Variants in CTNNA2 observed in about 807,000 individuals in gnomAD.
CTNNA2 encodes the protein catenin alpha-2.
A neutral mutation model predicts 101.0 loss-of-function variants in CTNNA2; 42 were observed. That is an observed-to-expected ratio of 0.42 (90% CI 0.32 to 0.54). The LOEUF is 0.54. Ranked by LOEUF, CTNNA2 falls within the 20% of genes least tolerant of loss-of-function variation. The pLI, the probability that CTNNA2 is intolerant of heterozygous loss-of-function variation, is 0.14. For synonymous variants in CTNNA2, 450 were observed against 456.4 expected (o/e 0.99, Z 0.18); for missense variants, 871 against 1,223.1 (o/e 0.71, Z 4.29).
intron 11 of CTNNA2, 133 bp from the exon 12 acceptor site, chr2:80,555,560 A>C (rs1035644406): frequency 1.3e-5 from 6 of 460,786 alleles, no homozygotes; most frequent in African/African-American, 1.2e-4. Context: ...TGTCCTTTAC[A>C]TACAATTTTA....
intron 7 of CTNNA2, chr2:80,298,626 C>T (rs1055060826): frequency 3.3e-5 from 5 of 152,234 alleles, no homozygotes; most frequent in African/African-American, 1.2e-4. Flanking sequence ...TGATTACTTA[C>T]ATATACTCAT....
chr2:80,277,553 G>GAAAAAAAAAAAA lies in CTNNA2; in HGVS notation c.1057-115649_1057-115638dup, dbSNP rs10650278. Among the ~76,000 whole-genome samples the GAAAAAAAAAAAA allele has an allele frequency of 1.2e-4, 10 of 83,804 alleles. 1 individual carries two copies. In the South Asian group the frequency reaches 1.9e-3, roughly 16 times the overall value. 55.0% of individuals were successfully genotyped at this position (83,804 alleles called of 152,430 possible). ...AGGAGAGACTCAGGGAAGGATTTCT[G>GAAAAAAAAAAAA]AAAAAAAAAAAAAAAAAAAATGGAC... On this transcript the variant is annotated intron_variant, in intron 7 of 18. Coordinates refer to ENST00000402739, the MANE Select transcript of CTNNA2 (RefSeq NM_001282597.3).
At chr2:79,772,422 T>C (rs1488255050) in intron 3 of CTNNA2, among the ~76,000 whole-genome samples, 1 of 152,174 alleles carries the variant, frequency 6.6e-6, no homozygotes, top group Non-Finnish European at 1.5e-5. Context: ...TTAGAGAAGA[T>C]GGCAAGATAG....
chr2:79,291,613 C>T (rs746785847), intron 2 of CTNNA2, among the ~76,000 whole-genome samples: 5 of 152,152 alleles, frequency 3.3e-5, no homozygotes, highest in Non-Finnish European at 7.4e-5. Flanking sequence ...ACTTAATAAG[C>T]TCCCATTTAC....
chr2:80,132,987 C>T (rs1271291411), intron 7 of CTNNA2, among the ~76,000 whole-genome samples: 5 of 152,088 alleles, frequency 3.3e-5, no homozygotes, highest in African/African-American at 7.2e-5. Flanking sequence ...ACTCCCAGTA[C>T]CTGAGAATGT....
chr2:79,605,129 A>G (rs1286250089), intron 1 of CTNNA2, among the ~76,000 whole-genome samples: 1 of 152,232 alleles, frequency 6.6e-6, no homozygotes, highest in Non-Finnish European at 1.5e-5. Flanking sequence ...AGATGTTTTA[A>G]TAAGTCAAAT....
At chr2:79,939,506 A>T (rs929151091) in intron 7 of CTNNA2, among the ~76,000 whole-genome samples, 6 of 152,176 alleles carry the variant, frequency 3.9e-5, no homozygotes, top group Non-Finnish European at 7.3e-5. Context: ...TTGTTAAAAA[A>T]GCTATAGAAA....
intron 7 of CTNNA2, among the ~76,000 whole-genome samples, chr2:80,163,431 C>T (rs1323602747): frequency 6.6e-6 from 1 of 152,040 alleles, no homozygotes; most frequent in South Asian, 2.1e-4. Flanking sequence ...CACTCTGCTA[C>T]TGATTTCAAG....
chr2:79,673,130 G>A (rs10172378), intron 2 of CTNNA2, among the ~76,000 whole-genome samples: 32,817 of 152,024 alleles, frequency 0.22, 3,929 homozygotes, highest in Non-Finnish European at 0.26. Context: ...TATTGTGTTA[G>A]TTTCTAAGAT....
chr2:79,596,405 C>T (rs778304949), intron 1 of CTNNA2, among the ~76,000 whole-genome samples: 1 of 151,642 alleles, frequency 6.6e-6, no homozygotes, highest in Non-Finnish European at 1.5e-5. Flanking sequence ...AAGTTCCCCA[C>T]GAAGAGAAAA....
chr2:79,760,343 T>C (rs1672706287), intron 3 of CTNNA2, among the ~76,000 whole-genome samples: 1 of 152,000 alleles, frequency 6.6e-6, no homozygotes, highest in East Asian at 1.9e-4. Context: ...AGTCTGAGTT[T>C]TCCAGAGAAA....
At chr2:80,283,865 G>A (rs886461010) in intron 7 of CTNNA2, among the ~76,000 whole-genome samples, 1 of 152,084 alleles carries the variant, frequency 6.6e-6, no homozygotes, top group Non-Finnish European at 1.5e-5. Context: ...GAAGAGATAA[G>A]AAAGAAAGGG....
intron 2 of CTNNA2, among the ~76,000 whole-genome samples, chr2:79,300,660 C>A (rs958941220): frequency 6.6e-6 from 1 of 152,168 alleles, no homozygotes; most frequent in Admixed American, 6.5e-5. Context: ...TCTTAAGTTT[C>A]ATTAAATCTT....
intron 9 of CTNNA2, among the ~76,000 whole-genome samples, chr2:80,527,853 C>T (rs1374746500): frequency 1.3e-5 from 2 of 152,192 alleles, no homozygotes; most frequent in East Asian, 3.9e-4. Flanking sequence ...TCCACCAGGG[C>T]TGCATATTAG....
At chr2:79,635,919 C>G (rs571400114) in intron 1 of CTNNA2, among the ~76,000 whole-genome samples, 47 of 151,758 alleles carry the variant, frequency 3.1e-4, no homozygotes, top group African/African-American at 1.1e-3. Context: ...CCTAGTAACT[C>G]GTTGTATATA....
intron 7 of CTNNA2, among the ~76,000 whole-genome samples, chr2:79,967,512 T>C (rs1003214398): frequency 2.6e-5 from 4 of 152,218 alleles, no homozygotes; most frequent in Admixed American, 6.5e-5. Context: ...AAATAGTAGC[T>C]AGGGTGATCT....
intron 7 of CTNNA2, among the ~76,000 whole-genome samples, chr2:80,127,943 A>C (rs148448743): frequency 6.8e-4 from 104 of 152,170 alleles, no homozygotes; most frequent in African/African-American, 2.4e-3. Flanking sequence ...AAAGTCATTG[A>C]TTTCCTAAAA....
intron 2 of CTNNA2, among the ~76,000 whole-genome samples, chr2:79,701,429 C>T (rs920346734): frequency 6.6e-6 from 1 of 152,118 alleles, no homozygotes; most frequent in Admixed American, 6.5e-5. Context: ...CCTGGGTCCC[C>T]TTGTCACTGT....
intron 7 of CTNNA2, among the ~76,000 whole-genome samples, chr2:80,129,821 ACT>A (rs759936022): frequency 1.9e-4 from 29 of 152,060 alleles, no homozygotes; most frequent in Non-Finnish European, 3.4e-4. Context: ...TCACCTGGCT[ACT>A]CTACTGTGCT....
Sources: allele counts gnomAD v4.1 joint callset (sites outside exome capture counted in the v4.1 genomes callset), GRCh38; gene constraint gnomAD v4.1.1; transcripts MANE v1.5; gene names NCBI Gene and HGNC (gene_info 2026-07-23, HGNC 2026-07-21).